Variants in ELL2 observed in about 807,000 individuals in gnomAD.
The protein encoded by ELL2 is elongation factor for RNA polymerase II 2, also known as RNA polymerase II elongation factor ELL2.
Under a neutral mutation model 72.8 loss-of-function variants are expected in ELL2, and 21 were observed. The observed-to-expected ratio is 0.29, with a 90% confidence interval of 0.20 to 0.42. The LOEUF (loss-of-function observed/expected upper bound fraction) is 0.42. Ranked by LOEUF, ELL2 falls within the 10% of genes least tolerant of loss-of-function variation. The pLI is 1.00. For synonymous variants in ELL2, 266 were observed against 283.2 expected, an observed-to-expected ratio of 0.94 and a Z score of 0.61; for missense variants, 568 against 772.8, an observed-to-expected ratio of 0.73 and a Z score of 3.14.
At chr5:95,937,269 C>T (rs1046119356) in intron 2 of ELL2, among the ~76,000 whole-genome samples, 1 of 152,152 alleles carries the variant, frequency 6.6e-6, no homozygotes, top group African/African-American at 2.4e-5. Context: ...TCAGGCACCA[C>T]AAACATACAA....
chr5:95,952,941 G>C (rs1580539823), intron 1 of ELL2, among the ~76,000 whole-genome samples: 1 of 152,294 alleles, frequency 6.6e-6, no homozygotes, highest in Admixed American at 6.5e-5. Flanking sequence ...GAGGTAGGAG[G>C]AAAATCAGGA....
At chr5:95,954,583 CTTTTTTTTTTTTCTT>C (rs1351631044) in intron 1 of ELL2, among the ~76,000 whole-genome samples, 1,874 of 98,666 alleles carry the variant, frequency 0.019, 44 homozygotes, top group African/African-American at 0.068. Context: ...ATTTTCTTTT[CTTTTTTTTTTTTCTT>C]TTTTTTTTTT....
intron 2 of ELL2, among the ~76,000 whole-genome samples, chr5:95,941,239 A>G (rs997411864): frequency 3.9e-5 from 6 of 152,104 alleles, no homozygotes; most frequent in Non-Finnish European, 8.8e-5. Flanking sequence ...TTTATATCTA[A>G]ATTGCTTCCA....
rs373400145 is a variant in ELL2, at chr5:95,891,131, C to T, written c.1733G>A (p.Arg578His). 4.6e-5 allele frequency: 74 copies of T among 1,613,970 alleles called. No individual in the cohort carries two copies. The highest frequency in any genetic ancestry group is 1.9e-4 in the South Asian group (17 of 91,084). ...RFIKLDAQRKRLSPGSKEYQN... is the reference protein window; with the variant it reads ...RFIKLDAQRKHLSPGSKEYQN... ...ATACTCTTTTGAGCCTGGAGAAAGG[C>T]GCTTTCTTTGTGCATCTAGTTTGAT... The change falls in exon 10 of 12, where the codon CGC becomes CAC. Residue 578 changes from arginine to histidine, a missense_variant. By Grantham distance (29) the Arg-to-His change is conservative (BLOSUM62 0). Around this residue, in one of 2 missense-constraint regions of ELL2, gnomAD observed 511 missense variants for 728.4 expected, o/e 0.70. Transcript: ENST00000237853.
Position 95,886,857 on chromosome 5 carries a change from C to T in ELL2, c.*2014G>A, listed in dbSNP as rs1298697865. The T allele has an allele frequency of 1.3e-5, 2 of 152,162 alleles. No homozygotes were observed. Among genetic ancestry groups the T allele is most frequent in the Non-Finnish European group, 2.9e-5 (2 of 68,028 alleles). The allele number at this position is 152,162 out of a possible 1,614,324, so 9.4% of individuals were successfully genotyped here. On this transcript the variant is annotated 3_prime_UTR_variant, in exon 12 of 12. Transcript: ENST00000237853. Reference sequence around the variant, plus strand: ...ACTCAGGTGATCCAAATGGTCCAAGCACCTTTTGCTTTTGAGAAACCTTGC... The same window carrying T: ...ACTCAGGTGATCCAAATGGTCCAAGTACCTTTTGCTTTTGAGAAACCTTGC...
At chr5:95,914,731 G>C (rs1053496979) in intron 3 of ELL2, among the ~76,000 whole-genome samples, 3 of 152,082 alleles carry the variant, frequency 2.0e-5, no homozygotes, top group African/African-American at 7.2e-5. Flanking sequence ...TGAAGTTCCA[G>C]CTAGTCAGGA....
intron 10 of ELL2, among the ~76,000 whole-genome samples, chr5:95,889,795 C>T (rs1748591036): frequency 6.8e-6 from 1 of 147,858 alleles, no homozygotes; most frequent in Non-Finnish European, 1.5e-5. Context: ...CATTTTATAC[C>T]ATGTGTACAT....
chr5:95,944,629 C>A (rs1404203487), intron 1 of ELL2, among the ~76,000 whole-genome samples: 1 of 152,222 alleles, frequency 6.6e-6, no homozygotes, highest in African/African-American at 2.4e-5. Flanking sequence ...TGAAAGCATG[C>A]CCATAGGGGC....
chr5:95,925,888 T>C (rs1012561346), intron 2 of ELL2, among the ~76,000 whole-genome samples: 11 of 152,248 alleles, frequency 7.2e-5, no homozygotes, highest in Admixed American at 5.2e-4. Flanking sequence ...ATATAGACTA[T>C]ATATTAGCTT....
At position 95,898,553 on chromosome 5, in the gene ELL2, G is replaced by A. The variant is rs1748974371; in HGVS notation, c.1212C>T (p.Gly404=). ...SNSNSPSTPE[G]RGTQDLPVDS... is the part of the protein sequence containing the mutation. ...CAACAGGTAGGTCTTGAGTCCCCCG[G>A]CCTTCTGGAGTGCTAGGGGAGTTGG... Residue 404 remains glycine (G), a synonymous_variant, in exon 8 of 12, where the codon GGC becomes GGT. Transcript: ENST00000237853. 1 of 1,614,008 alleles carries A rather than the reference G, an allele frequency of 6.2e-7. No individual in the cohort carries two copies. Among genetic ancestry groups the A allele is most frequent in the African/African-American group, 1.3e-5 (1 of 74,888 alleles).
intron 2 of ELL2, among the ~76,000 whole-genome samples, chr5:95,924,824 T>C (rs1228356741): frequency 6.6e-6 from 1 of 152,212 alleles, no homozygotes; most frequent in Non-Finnish European, 1.5e-5. Flanking sequence ...TATACCAAGA[T>C]GTGTAAGTCA....
intron 2 of ELL2, among the ~76,000 whole-genome samples, chr5:95,930,835 T>G (rs1234892324): frequency 6.6e-6 from 1 of 152,292 alleles, no homozygotes; most frequent in Middle Eastern, 3.4e-3. Context: ...ATCATTTTAA[T>G]TAATTAAATT....
chr5:95,958,454 C>T (rs538715235), intron 1 of ELL2, among the ~76,000 whole-genome samples: 1 of 152,332 alleles, frequency 6.6e-6, no homozygotes, highest in Non-Finnish European at 1.5e-5. Flanking sequence ...GTGGAGCCTG[C>T]AGTAAGTACC....
intron 5 of ELL2, among the ~76,000 whole-genome samples, chr5:95,902,438 C>T (rs985686373): frequency 3.9e-5 from 6 of 152,166 alleles, no homozygotes; most frequent in African/African-American, 9.7e-5. Flanking sequence ...TAGAGTTTCG[C>T]GGCTTAGCCA....
intron 3 of ELL2, among the ~76,000 whole-genome samples, chr5:95,917,095 T>C (rs1749841911): frequency 6.6e-6 from 1 of 152,220 alleles, no homozygotes; most frequent in African/African-American, 2.4e-5. Flanking sequence ...TGTATATAAA[T>C]GCTCCCTTAG....
intron 1 of ELL2, among the ~76,000 whole-genome samples, chr5:95,947,573 A>T (rs1751208978): frequency 6.6e-6 from 1 of 152,166 alleles, no homozygotes; most frequent in African/African-American, 2.4e-5. Context: ...CCCATTTCAG[A>T]GACAGAATAA....
chr5:95,929,261 ATTT>A (rs397884318), intron 2 of ELL2, among the ~76,000 whole-genome samples: 1 of 141,072 alleles, frequency 7.1e-6, no homozygotes, highest in South Asian at 2.2e-4. Flanking sequence ...GGTCTTCCTC[ATTT>A]TTTTTTTTTT....
intron 1 of ELL2, among the ~76,000 whole-genome samples, chr5:95,953,572 A>C (rs929811361): frequency 6.6e-6 from 1 of 152,252 alleles, no homozygotes; most frequent in Non-Finnish European, 1.5e-5. Context: ...CTCACAGTTG[A>C]GTGAAAAAGT....
At chr5:95,901,521 C>T (rs968212133) in intron 5 of ELL2, among the ~76,000 whole-genome samples, 1 of 151,830 alleles carries the variant, frequency 6.6e-6, no homozygotes, top group Non-Finnish European at 1.5e-5. Flanking sequence ...ACATACATAC[C>T]TGATAGTTTA....
Sources: allele counts gnomAD v4.1 joint callset (sites outside exome capture counted in the v4.1 genomes callset), GRCh38; gene constraint gnomAD v4.1.1; regional missense constraint gnomAD v4.1.1; transcripts MANE v1.5; gene names NCBI Gene and HGNC (gene_info 2026-07-23, HGNC 2026-07-21).